The following SNCAIP variants were observed in gnomAD, a reference collection of about 807,000 sequenced individuals.
The protein encoded by SNCAIP is synphilin-1.
Under a neutral mutation model 86.7 loss-of-function variants are expected in SNCAIP, and 43 were observed. The ratio of observed to expected loss-of-function variants is 0.50; its 90% CI spans 0.39 to 0.64. The LOEUF is 0.64. Ranked by LOEUF, SNCAIP falls within the 30% of genes least tolerant of loss-of-function variation. SNCAIP has a pLI of 0.00. For synonymous variants in SNCAIP, 417 were observed against 427.2 expected (o/e 0.98, Z 0.29); for missense variants, 981 against 1,103.1 (o/e 0.89, Z 1.57).
At chr5:122,329,720 T>C (rs1002510285) in intron 1 of SNCAIP, among the ~76,000 whole-genome samples, 11 of 152,158 alleles carry the variant, frequency 7.2e-5, no homozygotes, top group Admixed American at 2.6e-4. Context: ...GAGAGTAAAA[T>C]AACATGGCTT....
At chr5:122,457,640 A>G (rs1785098990) in intron 10 of SNCAIP, among the ~76,000 whole-genome samples, 1 of 151,276 alleles carries the variant, frequency 6.6e-6, no homozygotes. Context: ...CTGCCTCCTC[A>G]TGCTTCCTTA....
intron 1 of SNCAIP, among the ~76,000 whole-genome samples, chr5:122,363,945 C>T (rs1325469856): frequency 6.6e-6 from 1 of 152,026 alleles, no homozygotes; most frequent in Non-Finnish European, 1.5e-5. Context: ...GCCTCAGCCT[C>T]CTAAGTAGCT....
chr5:122,447,014 T>C (rs1292932031), intron 8 of SNCAIP, among the ~76,000 whole-genome samples: 1 of 152,228 alleles, frequency 6.6e-6, no homozygotes, highest in Admixed American at 6.5e-5. Context: ...GTTATCAAGC[T>C]ACAGTGAGGT....
At chr5:122,412,575 C>G (rs146077508) in intron 3 of SNCAIP, among the ~76,000 whole-genome samples, 25 of 152,268 alleles carry the variant, frequency 1.6e-4, no homozygotes, top group African/African-American at 5.8e-4. Context: ...TTTCAATAGT[C>G]AAATGGAACT....
At chr5:122,320,467 T>C (rs982735145) in intron 1 of SNCAIP, among the ~76,000 whole-genome samples, 4 of 152,180 alleles carry the variant, frequency 2.6e-5, no homozygotes. Context: ...AGCTTATATC[T>C]AGCTAGGAAG....
chr5:122,363,196 A>G (rs1401668873), intron 1 of SNCAIP, among the ~76,000 whole-genome samples: 1 of 152,084 alleles, frequency 6.6e-6, no homozygotes, highest in African/African-American at 2.4e-5. Flanking sequence ...GGATTTCTCC[A>G]TGTTGGTCAG....
chr5:122,378,384 G>A (rs1229320346), intron 1 of SNCAIP, among the ~76,000 whole-genome samples: 1 of 133,144 alleles, frequency 7.5e-6, no homozygotes, highest in African/African-American at 2.9e-5. Flanking sequence ...TTTTGATGGG[G>A]TTGTTTGTTT....
chr5:122,355,371 CCCT>C (rs1174748425), intron 1 of SNCAIP, among the ~76,000 whole-genome samples: 1 of 152,008 alleles, frequency 6.6e-6, no homozygotes, highest in Admixed American at 6.6e-5. Flanking sequence ...ATCATGATTT[CCCT>C]TCTCAGTAAA....
intron 1 of SNCAIP, among the ~76,000 whole-genome samples, chr5:122,334,226 A>G (rs1468810744): frequency 2.0e-5 from 3 of 152,118 alleles, no homozygotes; most frequent in Admixed American, 6.5e-5. Flanking sequence ...AATGTAAACA[A>G]TGACCCTGTG....
intron 1 of SNCAIP, among the ~76,000 whole-genome samples, chr5:122,315,204 A>G (rs550986400): frequency 1.3e-4 from 20 of 152,354 alleles, no homozygotes; most frequent in Admixed American, 1.2e-3. Context: ...AGGTTCCCTC[A>G]GACGTTTTCA....
At chr5:122,316,737 T>C (rs1751816033) in intron 1 of SNCAIP, among the ~76,000 whole-genome samples, 1 of 152,218 alleles carries the variant, frequency 6.6e-6, no homozygotes, top group East Asian at 1.9e-4. Context: ...TCTAAACATG[T>C]TCTGTTCTGC....
chr5:122,389,022 T>C (rs1331751778), intron 1 of SNCAIP: 1 of 152,184 alleles, frequency 6.6e-6, no homozygotes, highest in Non-Finnish European at 1.5e-5. Flanking sequence ...CTCACTACCA[T>C]CCTGCAAGTG....
chr5:122,435,118 G>A (rs1427378668), intron 6 of SNCAIP, among the ~76,000 whole-genome samples: 2 of 152,036 alleles, frequency 1.3e-5, no homozygotes, highest in Non-Finnish European at 2.9e-5. Flanking sequence ...TGGGTGATAG[G>A]AATTGATTTT....
At chr5:122,432,761 T>TA (rs555833059) in intron 6 of SNCAIP, among the ~76,000 whole-genome samples, 82 of 148,068 alleles carry the variant, frequency 5.5e-4, no homozygotes, top group African/African-American at 1.6e-3. Context: ...TGTTTGCAGT[T>TA]AAAAAAAAAA....
At chr5:122,449,276 AAGTG>A in intron 8 of SNCAIP, among the ~76,000 whole-genome samples, 1 of 152,294 alleles carries the variant, frequency 6.6e-6, no homozygotes, top group African/African-American at 2.4e-5. Flanking sequence ...ACTGTACTGA[AAGTG>A]AGAAAGAATG....
At chr5:122,316,102 G>A (rs1264276281) in intron 1 of SNCAIP, among the ~76,000 whole-genome samples, 1 of 152,174 alleles carries the variant, frequency 6.6e-6, no homozygotes, top group Non-Finnish European at 1.5e-5. Context: ...TTTATAAGCT[G>A]CAGAGTAGGC....
chr5:122,406,778 T>G (rs1298971298), intron 3 of SNCAIP, among the ~76,000 whole-genome samples: 2 of 152,208 alleles, frequency 1.3e-5, no homozygotes, highest in Non-Finnish European at 2.9e-5. Context: ...CTGTACAGCC[T>G]GCAGAATCAT....
chr5:122,326,238 A>G (rs1041276673), intron 1 of SNCAIP, among the ~76,000 whole-genome samples: 2 of 152,124 alleles, frequency 1.3e-5, no homozygotes. Context: ...ACTGAATAGG[A>G]GACCAGCATT....
intron 1 of SNCAIP, among the ~76,000 whole-genome samples, chr5:122,385,895 C>T (rs960135084): frequency 1.8e-4 from 27 of 152,204 alleles, no homozygotes; most frequent in African/African-American, 5.8e-4. Context: ...GGAGCAATAG[C>T]GACTTTGGCA....
Sources: gnomAD v4.1 joint callset for allele counts (sites outside exome capture counted in the v4.1 genomes callset) on GRCh38, gnomAD v4.1.1 for gene constraint, MANE v1.5 for transcripts, NCBI Gene and HGNC (gene_info 2026-07-23, HGNC 2026-07-21) for gene names.